Variants in CNBD1 observed in about 807,000 individuals in gnomAD.
CNBD1 encodes the protein cyclic nucleotide-binding domain-containing protein 1.
In CNBD1, 71 loss-of-function variants were observed where a neutral mutation model predicts 54.4. That is an observed-to-expected ratio of 1.30 (90% CI 1.08 to 1.59). The LOEUF is 1.59. CNBD1 is among the 40% of genes most tolerant of loss of function. CNBD1 has a pLI of 0.00. For missense variants in CNBD1, 659 were observed against 518.0 expected, an observed-to-expected ratio of 1.27 and a Z score of -2.64; for synonymous variants, 182 against 170.7, an observed-to-expected ratio of 1.07 and a Z score of -0.51.
At chr8:86,931,861 G>A (rs936983053) in intron 3 of CNBD1, among the ~76,000 whole-genome samples, 8 of 152,190 alleles carry the variant, frequency 5.3e-5, no homozygotes, top group Non-Finnish European at 1.2e-4. Flanking sequence ...GAGGAAAGCA[G>A]TAAGATTTTC....
chr8:86,892,576 TAAAG>T (rs1808786006), intron 2 of CNBD1, among the ~76,000 whole-genome samples: 1 of 152,062 alleles, frequency 6.6e-6, no homozygotes. Flanking sequence ...GCTTTTATAA[TAAAG>T]AAGAAAATAA....
intron 4 of CNBD1, among the ~76,000 whole-genome samples, chr8:87,187,286 C>T (rs546910368): frequency 6.6e-6 from 1 of 152,076 alleles, no homozygotes; most frequent in East Asian, 1.9e-4. Context: ...ATCTACCTAT[C>T]TATCCATCTG....
chr8:87,368,217 G>T (rs954105297), intron 10 of CNBD1, among the ~76,000 whole-genome samples: 2 of 145,716 alleles, frequency 1.4e-5, no homozygotes, highest in Admixed American at 6.8e-5. Flanking sequence ...TTTTGGTTGG[G>T]TGATTTGGGA....
intron 4 of CNBD1, among the ~76,000 whole-genome samples, chr8:87,006,923 G>A (rs986163273): frequency 7.9e-5 from 12 of 152,338 alleles, no homozygotes; most frequent in African/African-American, 2.6e-4. Flanking sequence ...TTGGCCGGGT[G>A]CCGCGGCTCA....
chr8:87,100,058 A>G (rs1286031462), intron 4 of CNBD1, among the ~76,000 whole-genome samples: 1 of 152,146 alleles, frequency 6.6e-6, no homozygotes, highest in African/African-American at 2.4e-5. Context: ...AGGAGAGGAT[A>G]TTTTCTTGGA....
intron 10 of CNBD1, among the ~76,000 whole-genome samples, chr8:87,379,283 G>T (rs1811022805): frequency 6.6e-6 from 1 of 151,844 alleles, no homozygotes; most frequent in Admixed American, 6.6e-5. Context: ...TTAATAATGG[G>T]AGACTTTAAC....
At chr8:87,391,305 A>G (rs1354433932) in intron 2 of CNBD1, among the ~76,000 whole-genome samples, 2 of 152,124 alleles carry the variant, frequency 1.3e-5, no homozygotes, top group East Asian at 1.9e-4. Context: ...TGATGCACAA[A>G]TTCAATGCAG....
At chr8:86,931,383 C>T (rs1395987322) in intron 3 of CNBD1, among the ~76,000 whole-genome samples, 2 of 152,182 alleles carry the variant, frequency 1.3e-5, no homozygotes, top group African/African-American at 4.8e-5. Context: ...GGGCTTCTGG[C>T]CCAGAGAACC....
intron 8 of CNBD1, among the ~76,000 whole-genome samples, chr8:87,350,405 C>T (rs1810262127): frequency 6.6e-6 from 1 of 151,770 alleles, no homozygotes. Flanking sequence ...ATAATTATGC[C>T]AACAAAATTA....
chr8:87,103,039 T>A lies in CNBD1; in HGVS notation c.432-102954T>A, dbSNP rs71502666. ...GGTGGTAGCGTTTACTAAGATAGAA[T>A]GCTTAAGAAAGAGCAAAGTTGAAAA... On this transcript the variant is annotated intron_variant, in intron 4 of 10. Coordinates refer to ENST00000518476, the MANE Select transcript of CNBD1 (RefSeq NM_173538.3). Among the ~76,000 whole-genome samples, 793 of 152,306 alleles carry A rather than the reference T, an allele frequency of 5.2e-3. 4 individuals carry two copies. Among genetic ancestry groups the A allele is most frequent in the Non-Finnish European group, 8.6e-3 (582 of 68,024 alleles).
chr8:87,336,455 G>A (rs569531500), intron 8 of CNBD1, among the ~76,000 whole-genome samples: 7 of 151,604 alleles, frequency 4.6e-5, no homozygotes, highest in East Asian at 1.9e-4. Context: ...ATGGTCTTCC[G>A]TCTGATATTC....
chr8:86,909,539 T>A (rs1021163905), intron 3 of CNBD1, among the ~76,000 whole-genome samples: 10 of 152,306 alleles, frequency 6.6e-5, no homozygotes, highest in South Asian at 4.1e-4. Context: ...GTTTTTTTTT[T>A]ATTATACTTT....
intron 5 of CNBD1, among the ~76,000 whole-genome samples, chr8:87,217,594 G>A (rs893681996): frequency 1.4e-5 from 2 of 147,348 alleles, no homozygotes; most frequent in Non-Finnish European, 3.0e-5. Context: ...TTTTTAAATA[G>A]CCACAGGGAC....
chr8:86,960,453 C>G (rs1807899710), intron 4 of CNBD1, among the ~76,000 whole-genome samples: 1 of 152,140 alleles, frequency 6.6e-6, no homozygotes, highest in South Asian at 2.1e-4. Flanking sequence ...TCCACTGTCA[C>G]TGAGGCTTGA....
intron 8 of CNBD1, among the ~76,000 whole-genome samples, chr8:87,294,958 T>C (rs574920737): frequency 6.6e-6 from 1 of 150,776 alleles, no homozygotes; most frequent in Non-Finnish European, 1.5e-5. Context: ...TCTGTGACAA[T>C]TTTTTTTTAC....
intron 5 of CNBD1, among the ~76,000 whole-genome samples, chr8:87,211,774 T>C (rs1814104851): frequency 6.6e-6 from 1 of 152,224 alleles, no homozygotes; most frequent in Non-Finnish European, 1.5e-5. Flanking sequence ...CAATTAAACC[T>C]CTTTTCTTTA....
At chr8:87,314,794 C>A (rs1180030594) in intron 8 of CNBD1, among the ~76,000 whole-genome samples, 2 of 151,838 alleles carry the variant, frequency 1.3e-5, no homozygotes, top group Non-Finnish European at 2.9e-5. Context: ...ACCCCAAATA[C>A]TAAATATCTA....
chr8:87,025,473 C>A (rs1174086184), intron 4 of CNBD1, among the ~76,000 whole-genome samples: 1 of 152,196 alleles, frequency 6.6e-6, no homozygotes, highest in Non-Finnish European at 1.5e-5. Flanking sequence ...GTGAGTGGAA[C>A]AAACAACTCC....
intron 1 of CNBD1, among the ~76,000 whole-genome samples, chr8:86,882,497 G>A (rs989539339): frequency 1.5e-4 from 23 of 152,008 alleles, no homozygotes; most frequent in African/African-American, 5.5e-4. Flanking sequence ...CAGAATAGCT[G>A]TTATTAAAAA....
Sources: gnomAD v4.1 joint callset for allele counts (sites outside exome capture counted in the v4.1 genomes callset) on GRCh38, gnomAD v4.1.1 for gene constraint, MANE v1.5 for transcripts, NCBI Gene and HGNC (gene_info 2026-07-23, HGNC 2026-07-21) for gene names.